Variants in NEBL observed in about 807,000 individuals in gnomAD.
NEBL encodes the protein nebulette.
A neutral mutation model predicts 140.2 loss-of-function variants in NEBL; 122 were observed. That is an observed-to-expected ratio of 0.87 (90% CI 0.75 to 1.01). The LOEUF (loss-of-function observed/expected upper bound fraction) is 1.01. NEBL is among the 50% of genes least tolerant of loss of function. The probability of loss-of-function intolerance (pLI) is 0.00; values close to 1 mark genes in which losing one functional copy is unlikely to be tolerated. For missense variants in NEBL, 1,365 were observed against 1,231.3 expected, an observed-to-expected ratio of 1.11 and a Z score of -1.62; for synonymous variants, 436 against 398.9, an observed-to-expected ratio of 1.09 and a Z score of -1.11.
rs1268841293 is a variant in NEBL, at chr10:20,859,782, T to A, written c.729A>T (p.Lys243Asn). ...EKFDNEMKDK[K>N]HHYNPLESAS... ...CACTTTCAAGAGGATTGTAATGATGTTTCTTATCCTTCATTTCATTATCAA... is the reference window on the plus strand; with the variant it reads ...CACTTTCAAGAGGATTGTAATGATGATTCTTATCCTTCATTTCATTATCAA... The change falls in exon 8 of 28, where the codon AAA becomes AAT. Residue 243 changes from lysine (K) to asparagine (N), a missense_variant. By Grantham distance (94) the Lys-to-Asn change is moderately conservative. Around this residue, in one of 2 missense-constraint regions of NEBL, gnomAD observed 1,323 missense variants for 1,154.8 expected, o/e 1.15. Coordinates refer to ENST00000377122, the MANE Select transcript of NEBL (RefSeq NM_006393.3). 1.3e-6 allele frequency: 2 copies of A among 1,595,978 alleles called. No individual in the cohort carries two copies. Among genetic ancestry groups the A allele is most frequent in the Non-Finnish European group, 1.7e-6 (2 of 1,165,802 alleles).
At chr10:21,007,630 A>G (rs1235034769) in intron 3 of NEBL, among the ~76,000 whole-genome samples, 1 of 152,224 alleles carries the variant, frequency 6.6e-6, no homozygotes, top group African/African-American at 2.4e-5. Context: ...TAACCATTAA[A>G]TTAAATAGGA....
intron 4 of NEBL, among the ~76,000 whole-genome samples, chr10:20,931,510 G>C (rs537655095): frequency 2.6e-5 from 4 of 152,304 alleles, no homozygotes; most frequent in African/African-American, 4.8e-5. Flanking sequence ...TATGGGATGA[G>C]AGTCAGTAGA....
At chr10:21,169,797 A>G (rs1840995770) in intron 2 of NEBL, among the ~76,000 whole-genome samples, 1 of 152,266 alleles carries the variant, frequency 6.6e-6, no homozygotes, top group Admixed American at 6.5e-5. Flanking sequence ...TGCTACCCTC[A>G]GAATTCAACT....
chr10:20,814,974 G>A lies in NEBL; in HGVS notation c.2241+651C>T, dbSNP rs181479963. 4.6e-3 allele frequency among the ~76,000 whole-genome samples: 705 copies of A among 152,176 alleles called. 3 individuals are homozygous for A. Among genetic ancestry groups the A allele is most frequent in the African/African-American group, 0.016 (682 of 41,514 alleles). ...GCTATTCAGGGTATGCTAAGAAAAG[G>A]GCCTGTGTTCTTCACAACTGCCCAT... On this transcript the variant is annotated intron_variant, in intron 22 of 27. Coordinates refer to ENST00000377122, the MANE Select transcript of NEBL (RefSeq NM_006393.3).
intron 14 of NEBL, among the ~76,000 whole-genome samples, chr10:20,834,480 C>T (rs1840699919): frequency 6.6e-6 from 1 of 152,168 alleles, no homozygotes; most frequent in Non-Finnish European, 1.5e-5. Flanking sequence ...CATGGCAATC[C>T]CATTTCCCTG....
chr10:21,008,680 G>A (rs1354195295), intron 3 of NEBL, among the ~76,000 whole-genome samples: 2 of 152,036 alleles, frequency 1.3e-5, no homozygotes, highest in African/African-American at 2.4e-5. Flanking sequence ...GTGAAAACCC[G>A]CTGGTGGGAA....
At chr10:21,056,384 A>T (rs1049862664) in intron 2 of NEBL, among the ~76,000 whole-genome samples, 9 of 147,430 alleles carry the variant, frequency 6.1e-5, no homozygotes, top group African/African-American at 2.3e-4. Context: ...AAATTTGCGC[A>T]AAGTTCCCTG....
rs576285438 is a variant in NEBL, at chr10:20,842,394, ATAGGAAATG to A, written c.1228-1554_1228-1546del. ...AATGTCAAAGGGCAATGGGGGGATC[ATAGGAAATG>A]AAGTATAAAATGATACTTTGAACAC... is the stretch of plus-strand genomic sequence containing the variant. On this transcript the variant is annotated intron_variant, in intron 12 of 27. Coordinates refer to ENST00000377122, the MANE Select transcript of NEBL (RefSeq NM_006393.3). Among the ~76,000 whole-genome samples, 159 of 152,226 alleles carry A rather than the reference ATAGGAAATG, an allele frequency of 1.0e-3. 1 individual carries two copies. The highest frequency in any genetic ancestry group is 3.7e-3 in the African/African-American group (154 of 41,536).
chr10:21,070,515 G>T (rs1835768725), intron 2 of NEBL, among the ~76,000 whole-genome samples: 1 of 152,040 alleles, frequency 6.6e-6, no homozygotes, highest in Middle Eastern at 3.2e-3. Flanking sequence ...CTGTTTTAAA[G>T]AGTACATAAT....
chr10:20,918,954 G>C (rs930197865), intron 4 of NEBL, among the ~76,000 whole-genome samples: 2 of 152,020 alleles, frequency 1.3e-5, no homozygotes, highest in African/African-American at 4.8e-5. Flanking sequence ...ATTATGCATA[G>C]GAAAATTCTG....
At chr10:20,877,100 C>G (rs1002723094) in intron 5 of NEBL, among the ~76,000 whole-genome samples, 1 of 152,176 alleles carries the variant, frequency 6.6e-6, no homozygotes, top group East Asian at 1.9e-4. Context: ...TATGACATCA[C>G]CCTAAACTCC....
chr10:20,953,588 TC>T (rs779377690), intron 4 of NEBL, among the ~76,000 whole-genome samples: 4 of 148,228 alleles, frequency 2.7e-5, no homozygotes, highest in Non-Finnish European at 4.4e-5. Flanking sequence ...ATAGGGGAAG[TC>T]CTGGCATTTG....
intron 4 of NEBL, among the ~76,000 whole-genome samples, chr10:20,911,561 T>C (rs944265033): frequency 1.3e-5 from 2 of 152,222 alleles, no homozygotes; most frequent in African/African-American, 4.8e-5. Context: ...TATAAAACCA[T>C]AGTCTTCAAA....
intron 11 of NEBL, among the ~76,000 whole-genome samples, chr10:20,845,660 A>C (rs1841864658): frequency 6.6e-6 from 1 of 152,140 alleles, no homozygotes; most frequent in Admixed American, 6.6e-5. Flanking sequence ...AGGAGAACCA[A>C]CAAGACTGGC....
At chr10:21,170,153 T>C (rs1174854173) in intron 2 of NEBL, 6 of 152,248 alleles carry the variant, frequency 3.9e-5, no homozygotes. Context: ...TAGAACCTTT[T>C]TCTGTCCTTT....
intron 18 of NEBL, among the ~76,000 whole-genome samples, chr10:20,826,149 A>G (rs1481557981): frequency 2.0e-5 from 3 of 152,190 alleles, no homozygotes; most frequent in Non-Finnish European, 4.4e-5. Flanking sequence ...CTTTCTCTGC[A>G]AAATTTAATA....
intron 24 of NEBL, among the ~76,000 whole-genome samples, chr10:20,810,350 T>A (rs774487398): frequency 4.0e-5 from 6 of 151,822 alleles, no homozygotes; most frequent in Non-Finnish European, 5.9e-5. Flanking sequence ...GAAGTTTATG[T>A]TTAAAAAACA....
At chr10:21,276,215 G>A (rs947414189) in intron 1 of NEBL, among the ~76,000 whole-genome samples, 4 of 151,478 alleles carry the variant, frequency 2.6e-5, no homozygotes, top group Non-Finnish European at 5.9e-5. Context: ...CTAGTGATCT[G>A]CCCACCATAG....
chr10:21,190,490 A>G (rs889441267), intron 3 of NEBL, among the ~76,000 whole-genome samples: 1 of 152,184 alleles, frequency 6.6e-6, no homozygotes, highest in Non-Finnish European at 1.5e-5. Context: ...TCTCTAATTA[A>G]AAAACAACCA....
Sources: allele counts gnomAD v4.1 joint callset (sites outside exome capture counted in the v4.1 genomes callset), GRCh38; gene constraint gnomAD v4.1.1; regional missense constraint gnomAD v4.1.1; transcripts MANE v1.5; gene names NCBI Gene and HGNC (gene_info 2026-07-23, HGNC 2026-07-21).